The following RBFOX3 variants were observed in gnomAD, a reference collection of about 807,000 sequenced individuals.
The protein encoded by RBFOX3 is RNA binding protein fox-1 homolog 3.
In RBFOX3, 17 loss-of-function variants were observed where a neutral mutation model predicts 48.7. That is an observed-to-expected ratio of 0.35 (90% confidence interval 0.24 to 0.52). The LOEUF (loss-of-function observed/expected upper bound fraction) is 0.52, where lower values mean the gene tolerates loss of function less well. RBFOX3 is among the 20% of genes least tolerant of loss of function. RBFOX3 has a pLI of 0.94. For synonymous variants in RBFOX3, 212 were observed against 209.5 expected (o/e 1.01, Z -0.10); for missense variants, 382 against 497.5 (o/e 0.77, Z 2.21).
intron 2 of RBFOX3, among the ~76,000 whole-genome samples, chr17:79,352,870 T>C (rs2084230949): frequency 6.6e-6 from 1 of 152,214 alleles, no homozygotes; most frequent in African/African-American, 2.4e-5. Context: ...GTCCTCCTGC[T>C]GGGCACTGGG....
rs1157233226 is a variant in RBFOX3, at chr17:79,477,379, AC to A, written c.-175+5074del. On this transcript the variant is annotated intron_variant, in intron 2 of 14. Transcript: ENST00000693108. The surrounding 1 kb of genome is among the most constrained non-coding windows in gnomAD (Gnocchi z 4.8). ...AGATCATCCTGGCTAACACGGTGAA[AC>A]CCCGTCTCTACTAAAAATACAAAAC... Among the ~76,000 whole-genome samples, 152 of 151,276 alleles carry A rather than the reference AC, an allele frequency of 1.0e-3. No homozygotes were observed. Among genetic ancestry groups the A allele is most frequent in the South Asian group, 2.9e-3 (14 of 4,784 alleles).
At chr17:79,652,476 G>C in the RBFOX3 span, among the ~76,000 whole-genome samples, 1 of 149,682 alleles carries the variant, frequency 6.7e-6, no homozygotes, top group Non-Finnish European at 1.5e-5. Context: ...GAGAGAAAGA[G>C]AGTGTGGGAT....
At chr17:79,649,909 C>T in the RBFOX3 span, among the ~76,000 whole-genome samples, 1 of 151,922 alleles carries the variant, frequency 6.6e-6, no homozygotes, top group Non-Finnish European at 1.5e-5. Flanking sequence ...GGAGGCGCTA[C>T]CCACTTTAAA....
At chr17:79,620,301 G>A in the RBFOX3 span, among the ~76,000 whole-genome samples, 3 of 139,782 alleles carry the variant, frequency 2.1e-5, no homozygotes, top group African/African-American at 5.5e-5. Context: ...ACGCACACAC[G>A]CACATGCACA....
At chr17:79,139,460 C>T (rs537855837) in intron 4 of RBFOX3, among the ~76,000 whole-genome samples, 5 of 152,348 alleles carry the variant, frequency 3.3e-5, no homozygotes, top group South Asian at 4.1e-4. Flanking sequence ...CCTGGAAGGA[C>T]GATTTACACC....
intron 2 of RBFOX3, among the ~76,000 whole-genome samples, chr17:79,445,990 C>A (rs73411329): frequency 2.0e-5 from 3 of 152,152 alleles, no homozygotes; most frequent in Non-Finnish European, 2.9e-5. Flanking sequence ...TGGCACATGG[C>A]GAGCGGAACC....
chr17:79,525,445 C>T (rs1329522217), intron 1 of RBFOX3, among the ~76,000 whole-genome samples: 1 of 152,090 alleles, frequency 6.6e-6, no homozygotes, highest in African/African-American at 2.4e-5. Flanking sequence ...GTGAGTTTGC[C>T]AAAAAGTGAG....
In RBFOX3 at chr17:79,480,196, C is replaced by T. The variant is rs1392133676; in HGVS notation, c.-175+2258G>A. 6.6e-6 allele frequency among the ~76,000 whole-genome samples: 1 copy of T among 152,154 alleles called. No homozygotes were observed. The highest frequency in any genetic ancestry group is 1.5e-5 in the Non-Finnish European group (1 of 68,014). ...GTCCCATACAGGCTGGGGTGTGTGGCCTTCCTATCTGGGCTCCCCGAGGGG... is the reference window on the plus strand; with the variant it reads ...GTCCCATACAGGCTGGGGTGTGTGGTCTTCCTATCTGGGCTCCCCGAGGGG... On this transcript the variant is annotated intron_variant, in intron 2 of 14. Coordinates refer to ENST00000693108, the MANE Select transcript of RBFOX3 (RefSeq NM_001350451.2). This position sits in a 1 kb window ranked among gnomAD's most constrained non-coding sequence, Gnocchi z 4.8.
chr17:79,247,186 C>A (rs534435855), intron 3 of RBFOX3, among the ~76,000 whole-genome samples: 1 of 152,010 alleles, frequency 6.6e-6, no homozygotes, highest in Non-Finnish European at 1.5e-5. Flanking sequence ...GTGGAGCCCA[C>A]GGGAGCCAGC....
intron 3 of RBFOX3, among the ~76,000 whole-genome samples, chr17:79,300,227 C>A (rs1245987070): frequency 6.6e-6 from 1 of 152,146 alleles, no homozygotes; most frequent in African/African-American, 2.4e-5. Flanking sequence ...TGATCTTGGA[C>A]TTCCAGCCTC....
chr17:79,619,063 C>T, the RBFOX3 span, among the ~76,000 whole-genome samples: 1 of 152,172 alleles, frequency 6.6e-6, no homozygotes, highest in East Asian at 1.9e-4. Context: ...GATGCTAAGA[C>T]GTTGGCTATA....
chr17:79,421,807 G>A lies in RBFOX3; in HGVS notation c.-175+60647C>T, dbSNP rs1166985019. Among the ~76,000 whole-genome samples the A allele has an allele frequency of 2.6e-5, 4 of 152,166 alleles. No homozygotes were observed. The highest frequency in any genetic ancestry group is 9.7e-5 in the African/African-American group (4 of 41,432). ...TGAGGCCTTGGGACAAGGGCAGAGA[G>A]AGAGAAGGGGAAGGAAGTGATCAGG... On this transcript the variant is annotated intron_variant, in intron 2 of 14. Coordinates refer to ENST00000693108, the MANE Select transcript of RBFOX3 (RefSeq NM_001350451.2). The surrounding 1 kb of genome is among the most constrained non-coding windows in gnomAD (Gnocchi z 4.5).
rs1043313910 is a variant in RBFOX3 at position 79,134,261 on chromosome 17, G to A, written c.-33-18513C>T. Among the ~76,000 whole-genome samples the A allele has an allele frequency of 7.9e-5, 12 of 152,366 alleles. No homozygotes were observed. The South Asian group carries it at 1.0e-3, about 13-fold the overall frequency. ...TTAGGAAGGTAAATTTCCTGGCAAC[G>A]AAGATTACATAATGCGTCCCACAGC... On this transcript the variant is annotated intron_variant, in intron 4 of 14. Transcript: ENST00000693108.
At chr17:79,495,580 T>C (rs58629949) in intron 1 of RBFOX3, among the ~76,000 whole-genome samples, 155 of 3,328 alleles carry the variant, frequency 0.047, 17 homozygotes, top group African/African-American at 0.17. Context: ...GATGGGGATG[T>C]GGGAAGGTGG....
intron 14 of RBFOX3, chr17:79,094,107 T>G: frequency 5.4e-6 from 2 of 372,336 alleles, no homozygotes. Context: ...CGGCCCTGGT[T>G]TGGTTTCTGA....
At chr17:79,223,857 G>A (rs1396905319) in intron 4 of RBFOX3, among the ~76,000 whole-genome samples, 2 of 152,146 alleles carry the variant, frequency 1.3e-5, no homozygotes, top group Non-Finnish European at 2.9e-5. Context: ...TCAGCAGCAG[G>A]AGAGGGGATT....
At chr17:79,355,860 C>T (rs573057436) in intron 2 of RBFOX3, among the ~76,000 whole-genome samples, 14 of 152,308 alleles carry the variant, frequency 9.2e-5, no homozygotes, top group Admixed American at 2.6e-4. Flanking sequence ...GAATTACAGA[C>T]GTGAACCACC....
chr17:79,376,790 C>T (rs549573729), intron 2 of RBFOX3, among the ~76,000 whole-genome samples: 1 of 152,232 alleles, frequency 6.6e-6, no homozygotes, highest in African/African-American at 2.4e-5. Context: ...TTCACCTGTT[C>T]GCTTTTCTGT....
At chr17:79,572,736 A>T (rs1469793705) in intron 1 of RBFOX3, among the ~76,000 whole-genome samples, 2 of 152,162 alleles carry the variant, frequency 1.3e-5, no homozygotes, top group East Asian at 3.9e-4. Context: ...GTGTTTCCCA[A>T]GGCTCATTGT....
Sources: gnomAD v4.1 joint callset for allele counts (sites outside exome capture counted in the v4.1 genomes callset) on GRCh38, gnomAD v4.1.1 for gene constraint, Gnocchi (gnomAD v3.1) non-coding constraint, MANE v1.5 for transcripts, NCBI Gene and HGNC (gene_info 2026-07-23, HGNC 2026-07-21) for gene names.